KDM4C: variants seen among roughly 807,000 people sequenced by gnomAD.
KDM4C encodes the protein lysine demethylase 4C.
KDM4C carries 81 observed loss-of-function variants against 129.3 expected under a neutral mutation model. The ratio of observed to expected loss-of-function variants is 0.63; its 90% CI spans 0.52 to 0.75. The LOEUF (loss-of-function observed/expected upper bound fraction) is 0.75, where lower values mean the gene tolerates loss of function less well. KDM4C is among the 30% of genes least tolerant of loss of function. KDM4C has a pLI of 0.00. For missense variants in KDM4C, 1,457 were observed against 1,304.0 expected (o/e 1.12, Z -1.81); for synonymous variants, 573 against 456.1 (o/e 1.26, Z -3.26).
chr9:7,153,354 G>C (rs1407030178), intron 19 of KDM4C, among the ~76,000 whole-genome samples: 1 of 152,208 alleles, frequency 6.6e-6, no homozygotes, highest in African/African-American at 2.4e-5. Flanking sequence ...TAGCCCCCTT[G>C]AGAGGCCATT....
At chr9:6,873,881 C>T (rs1028517796) in intron 5 of KDM4C, among the ~76,000 whole-genome samples, 4 of 150,314 alleles carry the variant, frequency 2.7e-5, no homozygotes, top group Non-Finnish European at 5.9e-5. Flanking sequence ...TGGAGCTCTT[C>T]TTTTTCTTGA....
intron 3 of KDM4C, among the ~76,000 whole-genome samples, chr9:6,811,459 C>A (rs1378912576): frequency 1.3e-5 from 2 of 152,126 alleles, no homozygotes. Context: ...AGCACCTGAC[C>A]TGGCATTGGT....
intron 15 of KDM4C, among the ~76,000 whole-genome samples, chr9:7,031,229 C>T (rs1826695212): frequency 1.3e-5 from 2 of 151,768 alleles, no homozygotes; most frequent in Non-Finnish European, 2.9e-5. Context: ...GTGGTGTGAT[C>T]TTGGTTCACT....
At chr9:6,983,489 C>T (rs1292219449) in intron 9 of KDM4C, among the ~76,000 whole-genome samples, 1 of 151,802 alleles carries the variant, frequency 6.6e-6, no homozygotes, top group Non-Finnish European at 1.5e-5. Flanking sequence ...GTTATCCCAG[C>T]ACTTTGGGAG....
rs558203230 is a variant in KDM4C at position 6,752,061 on chromosome 9, C to T, written c.49+31064C>T. The stretch of plus-strand genomic sequence containing the variant: ...AAAAATTAAGGAGGATGGCCGGGCG[C>T]GGTGGCTCACGCCTGTAATCCCAGC... On this transcript the variant is annotated intron_variant, in intron 1 of 17. Coordinates refer to the KDM4C transcript ENST00000536108. Among the ~76,000 whole-genome samples the T allele has an allele frequency of 2.5e-4, 38 of 151,892 alleles. No homozygotes were observed. In the East Asian group the frequency reaches 7.4e-3, roughly 30 times the overall value.
intron 1 of KDM4C, among the ~76,000 whole-genome samples, chr9:6,726,270 C>T (rs1169747194): frequency 6.6e-6 from 1 of 152,198 alleles, no homozygotes; most frequent in Non-Finnish European, 1.5e-5. Context: ...AGAATAGGTT[C>T]AGAGAGACTT....
intron 19 of KDM4C, among the ~76,000 whole-genome samples, chr9:7,160,693 C>T (rs1435875400): frequency 6.6e-6 from 1 of 152,176 alleles, no homozygotes; most frequent in Non-Finnish European, 1.5e-5. Context: ...CTGATCCTTC[C>T]TCTGGAAGCT....
Position 7,090,473 on chromosome 9 carries a change from A to T in KDM4C, c.2425-13212A>T, listed in dbSNP as rs1029244309. 4.6e-5 allele frequency among the ~76,000 whole-genome samples: 7 copies of T among 151,842 alleles called. No individual in the cohort carries two copies. In the South Asian group the frequency reaches 1.0e-3, roughly 22 times the overall value. ...AGGATTTCTTTGCACTTTTTCCTCT[A>T]GTCAAGTAAATTGCTTGTGGGTTCT... On this transcript the variant is annotated intron_variant, in intron 17 of 21. Coordinates refer to ENST00000381309, the MANE Select transcript of KDM4C (RefSeq NM_015061.6).
chr9:6,856,582 A>AT (rs367680825), intron 5 of KDM4C, among the ~76,000 whole-genome samples: 10 of 78,278 alleles, frequency 1.3e-4, no homozygotes, highest in East Asian at 1.1e-3. Context: ...GTGTGTGTGT[A>AT]TTTTTTTTTG....
At chr9:7,076,289 A>G (rs1833903988) in intron 17 of KDM4C, 2 of 576,788 alleles carry the variant, frequency 3.5e-6, no homozygotes, top group Non-Finnish European at 6.1e-6. Flanking sequence ...CATAAATGGT[A>G]AACAGTTTAT....
At position 7,127,992 on chromosome 9, in the gene KDM4C, T is replaced by C. The variant is rs188493753; in HGVS notation, c.2611-74T>C. The stretch of plus-strand genomic sequence containing the variant: ...AATAAATGATTGTTTTTCAAATGAA[T>C]ATTTTTTATTTTACGTCCTTTCTTT... On this transcript the variant is annotated intron_variant, in intron 18 of 21. Transcript: ENST00000381309. The C allele has an allele frequency of 3.1e-3, 3,746 of 1,210,586 alleles. 10 individuals are homozygous for C. Among genetic ancestry groups the C allele is most frequent in the Non-Finnish European group, 3.8e-3 (3,524 of 926,020 alleles). The allele number at this position is 1,210,586 out of a possible 1,614,324, so 75.0% of individuals were successfully genotyped here.
intron 15 of KDM4C, among the ~76,000 whole-genome samples, chr9:7,026,212 A>T (rs1331728047): frequency 6.6e-6 from 1 of 151,974 alleles, no homozygotes; most frequent in African/African-American, 2.4e-5. Context: ...CTCAAGAAAA[A>T]AAAAAAAAAG....
chr9:6,806,462 C>G (rs1174082466), intron 3 of KDM4C, among the ~76,000 whole-genome samples: 2 of 151,850 alleles, frequency 1.3e-5, no homozygotes, highest in Admixed American at 1.3e-4. Context: ...CCATTGCACT[C>G]CAGCCTGGGC....
At chr9:6,813,642 C>T (rs1033502277) in intron 3 of KDM4C, among the ~76,000 whole-genome samples, 3 of 152,048 alleles carry the variant, frequency 2.0e-5, no homozygotes, top group Non-Finnish European at 4.4e-5. Context: ...TATTTTCTTC[C>T]TGAAGAAACA....
intron 8 of KDM4C, among the ~76,000 whole-genome samples, chr9:6,935,124 G>C (rs1188776131): frequency 6.6e-6 from 1 of 151,940 alleles, no homozygotes; most frequent in African/African-American, 2.4e-5. Context: ...TTTAACCAGG[G>C]AAAAAGTTGT....
At chr9:6,984,565 A>T (rs1369763893) in intron 10 of KDM4C, among the ~76,000 whole-genome samples, 161 bp downstream of exon 10, 1 of 152,230 alleles carries the variant, frequency 6.6e-6, no homozygotes, top group Non-Finnish European at 1.5e-5. Context: ...CCCAGGGAAT[A>T]TTGTAAAAGT....
intron 5 of KDM4C, among the ~76,000 whole-genome samples, chr9:6,854,232 G>T (rs998800627): frequency 6.6e-6 from 1 of 152,076 alleles, no homozygotes; most frequent in Admixed American, 6.5e-5. Context: ...CAAACAAAAT[G>T]AATAAGAAAC....
intron 19 of KDM4C, among the ~76,000 whole-genome samples, chr9:7,146,956 G>T (rs1279326361): frequency 6.6e-6 from 1 of 152,174 alleles, no homozygotes; most frequent in South Asian, 2.1e-4. Flanking sequence ...CCTCCCAAGG[G>T]TTTTGTCTCC....
At chr9:7,090,355 T>C (rs181341047) in intron 17 of KDM4C, among the ~76,000 whole-genome samples, 8 of 152,312 alleles carry the variant, frequency 5.3e-5, no homozygotes, top group Non-Finnish European at 1.2e-4. Flanking sequence ...AAAATATTTA[T>C]CTCCACAGCT....
Sources: gnomAD v4.1 joint callset for allele counts (sites outside exome capture counted in the v4.1 genomes callset) on GRCh38, gnomAD v4.1.1 for gene constraint, MANE v1.5 for transcripts, NCBI Gene and HGNC (gene_info 2026-07-23, HGNC 2026-07-21) for gene names.